Variants in MOCOS observed in about 807,000 individuals in gnomAD.
MOCOS encodes the protein human molybdenum cofactor sulfurase.
A neutral mutation model predicts 83.6 loss-of-function variants in MOCOS; 86 were observed. That is an observed-to-expected ratio of 1.03 (90% CI 0.86 to 1.23). MOCOS has a LOEUF of 1.23. MOCOS is among the 50% of genes most tolerant of loss of function. The pLI is 0.00. For missense variants in MOCOS, 1,120 were observed against 1,126.9 expected, an observed-to-expected ratio of 0.99 and a Z score of 0.09; for synonymous variants, 445 against 434.7, an observed-to-expected ratio of 1.02 and a Z score of -0.29.
chr18:36,218,616 G>C (rs1425843816), intron 8 of MOCOS, among the ~76,000 whole-genome samples: 1 of 151,952 alleles, frequency 6.6e-6, no homozygotes, highest in Non-Finnish European at 1.5e-5. Flanking sequence ...CTGGTCTCAA[G>C]CTATCCTCCC....
At chr18:36,223,368 C>G (rs1356571682) in intron 9 of MOCOS, among the ~76,000 whole-genome samples, 3 of 152,120 alleles carry the variant, frequency 2.0e-5, no homozygotes, top group African/African-American at 7.2e-5. Flanking sequence ...ATTGTGTTTT[C>G]TTGACACCCT....
rs181540560 is a variant in MOCOS at position 36,217,904 on chromosome 18, G to A, written c.1797+1927G>A. Among the ~76,000 whole-genome samples, 14 of 152,192 alleles carry A rather than the reference G, an allele frequency of 9.2e-5. No individual in the cohort carries two copies. In the East Asian group the frequency reaches 2.7e-3, roughly 29 times the overall value. ...GGATGCTGCAGCCTTTCCTCAATGT[G>A]GGCCTCTGTTTCTGAACTTGGGCCC... On this transcript the variant is annotated intron_variant, in intron 8 of 14. Transcript: ENST00000261326.
chr18:36,226,741 C>T (rs778354129), intron 9 of MOCOS, among the ~76,000 whole-genome samples: 8 of 134,502 alleles, frequency 5.9e-5, no homozygotes, highest in African/African-American at 1.6e-4. Context: ...GTAGTTATTT[C>T]GAGGCTTACA....
intron 9 of MOCOS, among the ~76,000 whole-genome samples, chr18:36,246,620 C>T (rs549443296): frequency 6.6e-5 from 10 of 152,250 alleles, no homozygotes; most frequent in South Asian, 2.1e-4. Context: ...TTGTTTAGTG[C>T]GGTGGTTTTC....
At position 36,250,436 on chromosome 18, in the gene MOCOS, T is replaced by C. The variant is rs1205515390; in HGVS notation, c.2040-723T>C. 3.3e-5 allele frequency among the ~76,000 whole-genome samples: 5 copies of C among 151,992 alleles called. No individual in the cohort carries two copies. The South Asian group carries it at 1.0e-3, about 32-fold the overall frequency. ...CTCTGGGTGATAGGCAGAGGATCAC[T>C]CTGGGAGTGTGAAGGGCTATACCCC... is the stretch of plus-strand genomic sequence containing the variant. On this transcript the variant is annotated intron_variant, in intron 10 of 14. Coordinates refer to ENST00000261326, the MANE Select transcript of MOCOS (RefSeq NM_017947.4).
intron 14 of MOCOS, among the ~76,000 whole-genome samples, chr18:36,267,439 A>G (rs1458930257): frequency 6.6e-6 from 1 of 152,250 alleles, no homozygotes; most frequent in Admixed American, 6.5e-5. Context: ...TACATAGAAC[A>G]ATTCTTGAAA....
rs546130448 is a variant in MOCOS, at chr18:36,198,704, C to G, written c.247C>G (p.Gln83Glu). 1.2e-6 allele frequency: 2 copies of G among 1,614,144 alleles called. No homozygotes were observed. The highest frequency in any genetic ancestry group is 4.5e-5 in the East Asian group (2 of 44,876). Reference protein sequence around the residue: ...MENTYGNPHSQNISSKLTHDT... With the variant: ...MENTYGNPHSENISSKLTHDT... Reference sequence around the variant, plus strand: ...TAACCTGCCAGGTAATCCTCACAGCCAGAACATCAGCAGCAAGCTCACCCA... The same window carrying G: ...TAACCTGCCAGGTAATCCTCACAGCGAGAACATCAGCAGCAAGCTCACCCA... Residue 83 changes from glutamine to glutamate, a missense_variant, in exon 3 of 15, where the codon CAG (glutamine) becomes GAG (glutamate). By Grantham distance (29) the Gln-to-Glu change is conservative. Transcript: ENST00000261326.
intron 9 of MOCOS, among the ~76,000 whole-genome samples, chr18:36,228,773 A>T (rs2091527254): frequency 1.3e-5 from 2 of 150,958 alleles, no homozygotes; most frequent in Admixed American, 6.6e-5. Flanking sequence ...TGTATAACAA[A>T]CCCCCATAAC....
intron 10 of MOCOS, 144 bp from the exon 11 acceptor site, chr18:36,251,015 G>C: frequency 1.0e-6 from 1 of 1,003,676 alleles, no homozygotes; most frequent in Admixed American, 2.2e-5. Flanking sequence ...AAATCTCCTT[G>C]CAGCATCTGT....
In MOCOS at chr18:36,220,974, G is replaced by A. The variant is rs76586956; in HGVS notation, c.1960+757G>A. On this transcript the variant is annotated intron_variant, in intron 9 of 14. Transcript: ENST00000261326. ...ATAAACTTTATATTAATTAGATGATGTCCTATTTACTTAAGTTTCTTTTAT... is the reference window on the plus strand; with the variant it reads ...ATAAACTTTATATTAATTAGATGATATCCTATTTACTTAAGTTTCTTTTAT... 5.4e-3 allele frequency among the ~76,000 whole-genome samples: 820 copies of A among 151,294 alleles called. 11 individuals carry two copies. Among genetic ancestry groups the A allele is most frequent in the African/African-American group, 0.018 (728 of 41,322 alleles).
intron 11 of MOCOS, among the ~76,000 whole-genome samples, chr18:36,256,139 G>T (rs1273488501): frequency 1.3e-5 from 2 of 152,076 alleles, no homozygotes; most frequent in Non-Finnish European, 2.9e-5. Context: ...TGATCCTCCT[G>T]CCTCGGCCTC....
At chr18:36,204,988 C>A (rs1431349151) in intron 5 of MOCOS, 89 bp from the exon 6 acceptor site, 7 of 749,138 alleles carry the variant, frequency 9.3e-6, no homozygotes, top group African/African-American at 9.0e-5. Context: ...GTGAGTGAGA[C>A]CGTGTCTCAA....
At chr18:36,266,985 C>A in intron 14 of MOCOS, 132 bp downstream of exon 14, 1 of 757,626 alleles carries the variant, frequency 1.3e-6, no homozygotes, top group Non-Finnish European at 2.3e-6. Context: ...TGTTGGGCTG[C>A]CATTAACCTA....
intron 9 of MOCOS, among the ~76,000 whole-genome samples, chr18:36,243,228 G>C (rs530748336): frequency 6.6e-6 from 1 of 152,320 alleles, no homozygotes; most frequent in South Asian, 2.1e-4. Flanking sequence ...AACAGGGACA[G>C]TTTGACATCC....
chr18:36,242,886 G>C (rs144694122), intron 9 of MOCOS, among the ~76,000 whole-genome samples: 24 of 152,280 alleles, frequency 1.6e-4, no homozygotes, highest in Admixed American at 5.9e-4. Context: ...GATTTGGATG[G>C]GGACATAGAG....
intron 8 of MOCOS, among the ~76,000 whole-genome samples, chr18:36,217,187 T>A (rs568143332): frequency 6.6e-5 from 10 of 152,286 alleles, no homozygotes; most frequent in African/African-American, 1.9e-4. Flanking sequence ...ACTGGGGTTA[T>A]GTCAGAGAGT....
intron 13 of MOCOS, among the ~76,000 whole-genome samples, chr18:36,265,773 G>A (rs1449768415): frequency 6.6e-6 from 1 of 151,726 alleles, no homozygotes; most frequent in Non-Finnish European, 1.5e-5. Flanking sequence ...ATACAGATAT[G>A]TATATTAAAA....
chr18:36,205,865 G>A (rs777029666), intron 6 of MOCOS, among the ~76,000 whole-genome samples: 19 of 151,468 alleles, frequency 1.3e-4, no homozygotes, highest in South Asian at 2.1e-4. Context: ...TCAGCCTTCC[G>A]AGTAGCTGGG....
chr18:36,210,675 AC>A (rs1370741706), intron 6 of MOCOS, among the ~76,000 whole-genome samples: 1 of 151,470 alleles, frequency 6.6e-6, no homozygotes, highest in African/African-American at 2.4e-5. Flanking sequence ...ACATGGCGAA[AC>A]CCTGTCTCTA....
Sources: gnomAD v4.1 joint callset for allele counts (sites outside exome capture counted in the v4.1 genomes callset) on GRCh38, gnomAD v4.1.1 for gene constraint, MANE v1.5 for transcripts, NCBI Gene and HGNC (gene_info 2026-07-23, HGNC 2026-07-21) for gene names.